The following KCNC1 variants were observed in gnomAD, a reference collection of about 807,000 sequenced individuals.
KCNC1 encodes the protein voltage-gated potassium channel KCNC1.
KCNC1 carries 8 observed loss-of-function variants against 43.4 expected under a neutral mutation model. The observed-to-expected ratio is 0.18, with a 90% CI of 0.11 to 0.33. The LOEUF (loss-of-function observed/expected upper bound fraction) is 0.33, where lower values mean the gene tolerates loss of function less well. KCNC1 is among the 10% of genes least tolerant of loss of function. The pLI, the probability that KCNC1 is intolerant of heterozygous loss-of-function variation, is 1.00. For synonymous variants in KCNC1, 361 were observed against 360.5 expected, an observed-to-expected ratio of 1.00 and a Z score of -0.01; for missense variants, 420 against 836.0, an observed-to-expected ratio of 0.50 and a Z score of 6.14.
intron 1 of KCNC1, among the ~76,000 whole-genome samples, chr11:17,746,745 GC>G (rs1848903664): frequency 6.6e-6 from 1 of 152,106 alleles, no homozygotes; most frequent in African/African-American, 2.4e-5. Context: ...CTGCTTCCTG[GC>G]TACACGATTT....
At position 17,773,736 on chromosome 11, in the gene KCNC1, A is replaced by G; in HGVS notation, c.1504+1138A>G. ...TAAAGCCCATAGTCTACCTCTACCC[A>G]TGGAATACCATCGACTTATTCTGTG... On this transcript the variant is annotated intron_variant, in intron 2 of 3. Coordinates refer to ENST00000265969, the MANE Select transcript of KCNC1 (RefSeq NM_001112741.2). The surrounding 1 kb of genome is among the most constrained non-coding windows in gnomAD (Gnocchi z 4.1). 1 of 985,472 alleles carries G rather than the reference A, an allele frequency of 1.0e-6. No homozygotes were observed. Among genetic ancestry groups the G allele is most frequent in the Non-Finnish European group, 1.2e-6 (1 of 829,942 alleles). 61.0% of individuals were successfully genotyped at this position (985,472 alleles called of 1,614,324 possible).
intron 1 of KCNC1, among the ~76,000 whole-genome samples, chr11:17,767,896 C>T (rs1849172520): frequency 6.6e-6 from 1 of 152,240 alleles, no homozygotes; most frequent in Admixed American, 6.5e-5. Context: ...AGAATCTAGA[C>T]AGGCAGTCCA....
intron 1 of KCNC1, among the ~76,000 whole-genome samples, chr11:17,766,956 C>A (rs1849157052): frequency 1.1e-5 from 1 of 88,066 alleles, no homozygotes; most frequent in Admixed American, 1.6e-4. Flanking sequence ...CCCATCTCTA[C>A]TAAAAAATAC....
intron 1 of KCNC1, among the ~76,000 whole-genome samples, chr11:17,746,263 G>T (rs1277483659): frequency 6.6e-6 from 1 of 152,170 alleles, no homozygotes; most frequent in Non-Finnish European, 1.5e-5. Flanking sequence ...GGGCCCACCT[G>T]CTGGTGTCAC....
rs947137129 is a variant in KCNC1, at chr11:17,739,183, C to G, written c.570+2611C>G. Among the ~76,000 whole-genome samples the G allele has an allele frequency of 6.6e-6, 1 of 152,228 alleles. No homozygotes were observed. Among genetic ancestry groups the G allele is most frequent in the Admixed American group, 6.5e-5 (1 of 15,292 alleles). On this transcript the variant is annotated intron_variant, in intron 1 of 3. Coordinates refer to ENST00000265969, the MANE Select transcript of KCNC1 (RefSeq NM_001112741.2). This position sits in a 1 kb window ranked among gnomAD's most constrained non-coding sequence, Gnocchi z 4.2. ...TCCCCCACACGGGGCCCCGAGACTC[C>G]TCACACCAGCGGGTCGGGACTTAAG...
At chr11:17,749,799 A>G (rs1331091866) in intron 1 of KCNC1, among the ~76,000 whole-genome samples, 1 of 152,228 alleles carries the variant, frequency 6.6e-6, no homozygotes, top group Non-Finnish European at 1.5e-5. Context: ...ACCCCTGTTC[A>G]GCCCCAACAC....
rs1046116847 is a variant in KCNC1 at position 17,736,613 on chromosome 11, G to A, written c.570+41G>A. The A allele has an allele frequency of 8.2e-6, 12 of 1,456,046 alleles. No individual in the cohort carries two copies. The highest frequency in any genetic ancestry group is 2.6e-5 in the Admixed American group (1 of 37,956). The allele number at this position is 1,456,046 out of a possible 1,614,324, so 90.2% of individuals were successfully genotyped here. Reference sequence around the variant, plus strand: ...CCCATCAGAAGAGCGGGGCGGGAAGGCAGCGTCCTGTGCCTCCCCGCGGGC... The same window carrying A: ...CCCATCAGAAGAGCGGGGCGGGAAGACAGCGTCCTGTGCCTCCCCGCGGGC... On this transcript the variant is annotated intron_variant, in intron 1 of 3. Coordinates refer to ENST00000265969, the MANE Select transcript of KCNC1 (RefSeq NM_001112741.2). This position sits in a 1 kb window ranked among gnomAD's most constrained non-coding sequence, Gnocchi z 9.3.
Position 17,772,489 on chromosome 11 carries a change from G to A in KCNC1, c.1395G>A (p.Gln465=). The A allele has an allele frequency of 6.2e-7, 1 of 1,614,230 alleles. No individual in the cohort carries two copies. Among genetic ancestry groups the A allele is most frequent in the Admixed American group, 1.7e-5 (1 of 60,028 alleles). ...AGAAGCATATTCCGCGGCCACCGCA[G>A]CTGGGATCTCCCAATTATTGTAAAT... is the stretch of plus-strand genomic sequence containing the variant. The part of the protein sequence containing the change: ...KKKKHIPRPP[Q]LGSPNYCKSV... The change falls in exon 2 of 4, where the codon CAG becomes CAA. Residue 465 remains glutamine (Q), a synonymous_variant. Transcript: ENST00000265969.
Position 17,771,759 on chromosome 11 carries a change from C to T in KCNC1, c.665C>T (p.Thr222Met), listed in dbSNP as rs1167748453. 5 of 1,614,132 alleles carry T rather than the reference C, an allele frequency of 3.1e-6. No homozygotes were observed. Among genetic ancestry groups the T allele is most frequent in the East Asian group, 2.2e-5 (1 of 44,894 alleles). ...HERFNPIVNK[T>M]EIENVRNGTQ... Reference sequence around the variant, plus strand: ...CGCTTCAACCCCATCGTGAACAAGACGGAGATCGAGAACGTTCGCAATGGC... The same window carrying T: ...CGCTTCAACCCCATCGTGAACAAGATGGAGATCGAGAACGTTCGCAATGGC... Residue 222 changes from threonine to methionine, a missense_variant, in exon 2 of 4, where the codon ACG becomes ATG. Around this residue, in one of 5 missense-constraint regions of KCNC1, gnomAD observed 151 missense variants for 216.7 expected, o/e 0.70. Coordinates refer to ENST00000265969, the MANE Select transcript of KCNC1 (RefSeq NM_001112741.2). The surrounding 1 kb of genome is among the most constrained non-coding windows in gnomAD (Gnocchi z 4.7).
chr11:17,781,853 G>A lies in KCNC1; in HGVS notation c.*119G>A, dbSNP rs1849349513. 7 of 698,658 alleles carry A rather than the reference G, an allele frequency of 1.0e-5. No individual in the cohort carries two copies. The South Asian group carries it at 1.2e-4, about 12-fold the overall frequency. The allele number at this position is 698,658 out of a possible 1,614,324, so 43.3% of individuals were successfully genotyped here. A position where few individuals can be genotyped will look rare whatever the true frequency, so the allele number is the denominator to read the frequency against. On this transcript the variant is annotated 3_prime_UTR_variant, in exon 4 of 4. Coordinates refer to ENST00000265969, the MANE Select transcript of KCNC1 (RefSeq NM_001112741.2). The surrounding 1 kb of genome is among the most constrained non-coding windows in gnomAD (Gnocchi z 5.1). ...GCAGGTTTGCCGGACGAGTCCGAGT[G>A]GCCCAGGCATTGTACTAGGACGGAC...
intron 2 of KCNC1, chr11:17,774,163 G>A (rs1849260949): frequency 1.0e-6 from 1 of 985,442 alleles, no homozygotes; most frequent in Non-Finnish European, 1.2e-6. Flanking sequence ...TGCCTGAGAG[G>A]AACATGGCCA....
intron 1 of KCNC1, among the ~76,000 whole-genome samples, chr11:17,764,682 C>T (rs565836951): frequency 6.6e-5 from 10 of 152,316 alleles, no homozygotes; most frequent in East Asian, 1.9e-4. Flanking sequence ...GGCACCCAGA[C>T]GCTGCGCTCG....
At chr11:17,749,276 G>A (rs1848938195) in intron 1 of KCNC1, among the ~76,000 whole-genome samples, 1 of 152,242 alleles carries the variant, frequency 6.6e-6, no homozygotes, top group Non-Finnish European at 1.5e-5. Context: ...GAGCACTGGT[G>A]CGCACGTGAT....
rs924042770 is a variant in KCNC1, at chr11:17,742,922, G to A, written c.570+6350G>A. 6.6e-6 allele frequency among the ~76,000 whole-genome samples: 1 copy of A among 152,242 alleles called. No homozygotes were observed. Among genetic ancestry groups the A allele is most frequent in the South Asian group, 2.1e-4 (1 of 4,822 alleles). On this transcript the variant is annotated intron_variant, in intron 1 of 3. Coordinates refer to ENST00000265969, the MANE Select transcript of KCNC1 (RefSeq NM_001112741.2). The surrounding 1 kb of genome is among the most constrained non-coding windows in gnomAD (Gnocchi z 4.2). ...TACTCCCATTAATTTCCTTCCTGGG[G>A]GAAGTGGAATACACAGATACCTGCA...
intron 1 of KCNC1, among the ~76,000 whole-genome samples, chr11:17,747,001 C>T (rs1848906775): frequency 6.6e-6 from 1 of 152,158 alleles, no homozygotes; most frequent in African/African-American, 2.4e-5. Context: ...TTGTGCATTC[C>T]ATCATCTTTT....
At chr11:17,769,807 T>C (rs1037434430) in intron 1 of KCNC1, among the ~76,000 whole-genome samples, 2 of 152,188 alleles carry the variant, frequency 1.3e-5, no homozygotes, top group Non-Finnish European at 2.9e-5. Context: ...GACAGTTTTC[T>C]GAAAATCGCA....
intron 2 of KCNC1, chr11:17,772,811 T>G (rs1161758347): frequency 7.0e-7 from 1 of 1,438,220 alleles, no homozygotes; most frequent in Non-Finnish European, 9.1e-7. Context: ...CTGGTGCCCC[T>G]GGGTAAGGAG....
At chr11:17,748,915 G>T (rs1022748009) in intron 1 of KCNC1, among the ~76,000 whole-genome samples, 1 of 152,164 alleles carries the variant, frequency 6.6e-6, no homozygotes, top group Non-Finnish European at 1.5e-5. Flanking sequence ...TCCCATACAC[G>T]GTTCTCTGAG....
At position 17,779,632 on chromosome 11, in the gene KCNC1, G is replaced by A. The variant is rs1417612823; in HGVS notation, c.1681G>A (p.Gly561Arg). Residue 561 changes from glycine to arginine, a missense_variant, in exon 3 of 4, where the codon GGA (glycine) becomes AGA (arginine). Physicochemically the swap from Gly to Arg is moderately radical, Grantham distance 125. Around this residue, in one of 5 missense-constraint regions of KCNC1, gnomAD observed 147 missense variants for 176.1 expected, o/e 0.83. Coordinates refer to ENST00000265969, the MANE Select transcript of KCNC1 (RefSeq NM_001112741.2). This position sits in a 1 kb window ranked among gnomAD's most constrained non-coding sequence, Gnocchi z 7.2. The part of the protein sequence containing the change: ...TGEYACPPGG[G>R]MRKDLCKESP... The stretch of plus-strand genomic sequence containing the variant: ...GGAGTACGCGTGCCCACCTGGTGGA[G>A]GAATGAGAAAGGGTATGTAGAGGAA... 1.9e-6 allele frequency: 3 copies of A among 1,547,508 alleles called. No homozygotes were observed. The Admixed American group carries it at 6.0e-5, about 31-fold the overall frequency.
Sources: gnomAD v4.1 joint callset for allele counts (sites outside exome capture counted in the v4.1 genomes callset) on GRCh38, gnomAD v4.1.1 for gene constraint, gnomAD v4.1.1 regional missense constraint, Gnocchi (gnomAD v3.1) non-coding constraint, MANE v1.5 for transcripts, NCBI Gene and HGNC (gene_info 2026-07-23, HGNC 2026-07-21) for gene names.